Variants in ROPN1 observed in about 807,000 individuals in gnomAD.
ROPN1 encodes the protein ropporin-1A.
A neutral mutation model predicts 20.5 loss-of-function variants in ROPN1; 14 were observed. The ratio of observed to expected loss-of-function variants is 0.68; its 90% CI spans 0.45 to 1.07. The LOEUF is 1.07. Ranked by LOEUF, ROPN1 falls within the 50% of genes least tolerant of loss-of-function variation. ROPN1 has a pLI of 0.00. For synonymous variants in ROPN1, 76 were observed against 95.7 expected, an observed-to-expected ratio of 0.79 and a Z score of 1.20; for missense variants, 169 against 242.8, an observed-to-expected ratio of 0.70 and a Z score of 2.02.
chr3:123,979,887 G>C (rs1375074287), intron 2 of ROPN1: 1 of 356,748 alleles, frequency 2.8e-6, no homozygotes, highest in African/African-American at 2.1e-5. Flanking sequence ...TCTCCTTAAA[G>C]GAGTGAACTA....
intron 4 of ROPN1, among the ~76,000 whole-genome samples, chr3:123,974,351 A>T (rs1271344707): frequency 6.6e-6 from 1 of 152,178 alleles, no homozygotes; most frequent in Non-Finnish European, 1.5e-5. Context: ...TCCTCCTCAG[A>T]GGATAGTGAT....
At chr3:123,980,538 C>T in intron 1 of ROPN1, 45 bp from the exon 2 acceptor site, 1 of 1,580,198 alleles carries the variant, frequency 6.3e-7, no homozygotes. Context: ...AACTTCGATT[C>T]ATACGATGAG....
intron 2 of ROPN1, among the ~76,000 whole-genome samples, chr3:123,977,422 G>C (rs553403258): frequency 6.6e-6 from 1 of 152,204 alleles, no homozygotes; most frequent in Non-Finnish European, 1.5e-5. Flanking sequence ...GGTGGCTAGG[G>C]CCTGTAATCT....
intron 4 of ROPN1, among the ~76,000 whole-genome samples, chr3:123,971,814 G>T (rs1422096744): frequency 6.6e-6 from 1 of 152,138 alleles, no homozygotes; most frequent in Non-Finnish European, 1.5e-5. Context: ...CTCCCATGGG[G>T]TGCTGGTATG....
intron 1 of ROPN1, among the ~76,000 whole-genome samples, chr3:123,983,095 G>C (rs1432532195): frequency 6.6e-6 from 1 of 152,144 alleles, no homozygotes; most frequent in Non-Finnish European, 1.5e-5. Flanking sequence ...CTGGCCCCAA[G>C]CTGAGAATTT....
At chr3:123,974,013 G>A (rs1278936941) in intron 4 of ROPN1, among the ~76,000 whole-genome samples, 3 of 152,178 alleles carry the variant, frequency 2.0e-5, no homozygotes, top group Admixed American at 6.5e-5. Context: ...TTGGAGAAGA[G>A]AGCGTGGTGA....
At chr3:123,991,238 G>A (rs1172764874) in intron 1 of ROPN1, 1 of 132,508 alleles carries the variant, frequency 7.5e-6, no homozygotes, top group East Asian at 2.2e-4. Flanking sequence ...CTCCACGGCA[G>A]GACTGGTCAG....
intron 4 of ROPN1, chr3:123,974,903 A>G (rs2037989325): frequency 5.2e-6 from 1 of 190,908 alleles, no homozygotes; most frequent in Admixed American, 5.3e-5. Flanking sequence ...TAAATTCAGA[A>G]ATAGCCTCAT....
At chr3:123,986,360 G>T (rs1215961214) in intron 1 of ROPN1, among the ~76,000 whole-genome samples, 2 of 152,162 alleles carry the variant, frequency 1.3e-5, no homozygotes, top group South Asian at 2.1e-4. Context: ...ACATACAAAA[G>T]TTCCTGAAAT....
At chr3:123,979,945 C>G (rs1310356106) in intron 2 of ROPN1, 4 of 365,520 alleles carry the variant, frequency 1.1e-5, no homozygotes, top group Middle Eastern at 7.7e-4. Flanking sequence ...CTTCCCTCCC[C>G]CGGCTGCACT....
intron 1 of ROPN1, among the ~76,000 whole-genome samples, chr3:123,985,898 G>A (rs2149001500): frequency 6.8e-6 from 1 of 146,638 alleles, no homozygotes; most frequent in South Asian, 2.2e-4. Context: ...TATAGTCCCA[G>A]CTACTCAGGA....
At chr3:123,987,149 A>G (rs905793785) in intron 1 of ROPN1, among the ~76,000 whole-genome samples, 4 of 152,148 alleles carry the variant, frequency 2.6e-5, no homozygotes, top group Non-Finnish European at 2.9e-5. Context: ...TTGCTGCCCT[A>G]CTTCTCTAAG....
intron 1 of ROPN1, among the ~76,000 whole-genome samples, chr3:123,989,483 G>A (rs1341371037): frequency 6.6e-6 from 1 of 152,172 alleles, no homozygotes; most frequent in African/African-American, 2.4e-5. Flanking sequence ...GCTTTGTTAG[G>A]ACAGGGCACT....
At chr3:123,977,302 GTT>G (rs562427860) in intron 2 of ROPN1, among the ~76,000 whole-genome samples, 105 of 152,310 alleles carry the variant, frequency 6.9e-4, no homozygotes, top group Non-Finnish European at 1.2e-3. Context: ...ATCTCTGAGT[GTT>G]TTATACACGC....
intron 4 of ROPN1, among the ~76,000 whole-genome samples, chr3:123,971,359 G>C (rs1318297341): frequency 6.6e-6 from 1 of 152,130 alleles, no homozygotes; most frequent in Non-Finnish European, 1.5e-5. Flanking sequence ...AACATAATTT[G>C]TAATAATTAT....
rs1276664157 is a variant in ROPN1 at position 123,979,913 on chromosome 3, C to T, written c.116+453G>A. Reference sequence around the variant, plus strand: ...GAGTGAACTAGCAGGACTGGTCCCACCCCATCCACCCAGGGCTGTCGCTTC... The same window carrying T: ...GAGTGAACTAGCAGGACTGGTCCCATCCCATCCACCCAGGGCTGTCGCTTC... On this transcript the variant is annotated intron_variant, in intron 2 of 5. Transcript: ENST00000405845. 11 of 353,424 alleles carry T rather than the reference C, an allele frequency of 3.1e-5. 1 individual carries two copies. In the Admixed American group the frequency reaches 4.7e-4, roughly 15 times the overall value. 21.9% of individuals were successfully genotyped at this position (353,424 alleles called of 1,614,324 possible).
At chr3:123,980,699 C>A in intron 1 of ROPN1, 1 of 469,268 alleles carries the variant, frequency 2.1e-6, no homozygotes, top group Non-Finnish European at 3.8e-6. Context: ...ATGTCCTTTA[C>A]ATAAAAATTA....
intron 1 of ROPN1, among the ~76,000 whole-genome samples, chr3:123,982,700 G>A (rs953157769): frequency 1.8e-4 from 27 of 152,058 alleles, no homozygotes; most frequent in African/African-American, 6.5e-4. Flanking sequence ...CATGTTGTCT[G>A]CACATATATA....
At chr3:123,969,965 A>G in intron 5 of ROPN1, 77 bp downstream of exon 5, 3 of 1,433,074 alleles carry the variant, frequency 2.1e-6, no homozygotes, top group Non-Finnish European at 2.9e-6. Flanking sequence ...AGTATAATAC[A>G]ATAATCTCAC....
Sources: gnomAD v4.1 joint callset for allele counts (sites outside exome capture counted in the v4.1 genomes callset) on GRCh38, gnomAD v4.1.1 for gene constraint, MANE v1.5 for transcripts, NCBI Gene and HGNC (gene_info 2026-07-23, HGNC 2026-07-21) for gene names.